AKAP9: variants seen among roughly 807,000 people sequenced by gnomAD.
The protein encoded by AKAP9 is A-kinase anchor protein 9.
In AKAP9, 311 loss-of-function variants were observed where a neutral mutation model predicts 488.5. The observed-to-expected ratio is 0.64, with a 90% CI of 0.58 to 0.70. The LOEUF is 0.70. Ranked by LOEUF, AKAP9 falls within the 30% of genes least tolerant of loss-of-function variation. The pLI is 0.00. For synonymous variants in AKAP9, 1,462 were observed against 1,483.5 expected (o/e 0.99, Z 0.33); for missense variants, 4,215 against 4,374.5 (o/e 0.96, Z 1.03).
At chr7:91,964,280 A>AT (rs1042524700) in intron 1 of AKAP9, among the ~76,000 whole-genome samples, 2 of 152,220 alleles carry the variant, frequency 1.3e-5, no homozygotes, top group East Asian at 1.9e-4. Flanking sequence ...AGTGTACATT[A>AT]TTTTTTTCAT....
chr7:92,050,290 T>G (rs1807757495), intron 21 of AKAP9, among the ~76,000 whole-genome samples: 1 of 151,590 alleles, frequency 6.6e-6, no homozygotes. Flanking sequence ...AGAGATGGAG[T>G]TTCACCATAT....
intron 7 of AKAP9, 144 bp downstream of exon 7, chr7:91,995,944 G>A (rs1329323768): frequency 1.5e-6 from 1 of 657,820 alleles, no homozygotes; most frequent in Non-Finnish European, 2.6e-6. Flanking sequence ...AAAAGCAAAT[G>A]GGAATCTCAG....
intron 1 of AKAP9, among the ~76,000 whole-genome samples, chr7:91,953,471 TCTCTGTTG>T (rs1792536460): frequency 6.6e-6 from 1 of 152,218 alleles, no homozygotes; most frequent in African/African-American, 2.4e-5. Context: ...TTACTTAACC[TCTCTGTTG>T]CTCTGTTCCT....
chr7:91,972,846 G>A (rs1213012003), intron 1 of AKAP9, among the ~76,000 whole-genome samples: 1 of 152,194 alleles, frequency 6.6e-6, no homozygotes, highest in East Asian at 1.9e-4. Flanking sequence ...AAATCCTGAT[G>A]ATGATATGTA....
At chr7:91,953,219 G>T (rs1176340044) in intron 1 of AKAP9, among the ~76,000 whole-genome samples, 1 of 152,206 alleles carries the variant, frequency 6.6e-6, no homozygotes, top group Non-Finnish European at 1.5e-5. Flanking sequence ...AGGATAGTGA[G>T]CATGGAGAGG....
intron 8 of AKAP9, among the ~76,000 whole-genome samples, chr7:92,006,228 G>GCA (rs1208932646): frequency 2.6e-5 from 4 of 151,028 alleles, no homozygotes; most frequent in Admixed American, 1.3e-4. Flanking sequence ...ACAGCATCCT[G>GCA]CAGCCTTGAC....
chr7:92,070,128 T>G lies in AKAP9; in HGVS notation c.6429T>G (p.Asn2143Lys). The change falls in exon 27 of 50, where the codon AAT (asparagine) becomes AAG (lysine). Residue 2143 changes from asparagine (N) to lysine (K), a missense_variant. Around this residue, in one of 5 missense-constraint regions of AKAP9, gnomAD observed 2,361 missense variants for 2,430.0 expected, o/e 0.97. Transcript: ENST00000356239. ...EQLQRDIQER[N>K]EEIEKLEFRV... ...TTCAAAGGGATATACAAGAAAGGAATGAAGAAATAGAGAAACTGGAGTTCA... is the reference window on the plus strand; with the variant it reads ...TTCAAAGGGATATACAAGAAAGGAAGGAAGAAATAGAGAAACTGGAGTTCA... The G allele has an allele frequency of 6.2e-7, 1 of 1,614,058 alleles. No homozygotes were observed. The highest frequency in any genetic ancestry group is 2.2e-5 in the East Asian group (1 of 44,868).
chr7:92,036,713 G>C (rs1345057432), intron 16 of AKAP9, among the ~76,000 whole-genome samples: 1 of 152,136 alleles, frequency 6.6e-6, no homozygotes, highest in Admixed American at 6.5e-5. Flanking sequence ...AGTATGAAGA[G>C]ACAGAGGCAG....
chr7:92,029,459 A>T (rs547916935), intron 14 of AKAP9, among the ~76,000 whole-genome samples: 1 of 152,342 alleles, frequency 6.6e-6, no homozygotes, highest in African/African-American at 2.4e-5. Context: ...TTTTAAAGTC[A>T]TTAATATATC....
chr7:92,026,052 A>G (rs1395590300), intron 14 of AKAP9, among the ~76,000 whole-genome samples: 2 of 152,194 alleles, frequency 1.3e-5, no homozygotes, highest in Non-Finnish European at 2.9e-5. Context: ...TGAAGGATGA[A>G]TATTTAGACA....
chr7:91,964,908 T>G (rs2130528697), intron 1 of AKAP9, among the ~76,000 whole-genome samples: 1 of 152,284 alleles, frequency 6.6e-6, no homozygotes, highest in Admixed American at 6.5e-5. Flanking sequence ...TTTAAAATTT[T>G]TATTGTTATG....
At position 92,052,926 on chromosome 7, in the gene AKAP9, C is replaced by T. The variant is rs374096313; in HGVS notation, c.5569C>T (p.Leu1857Phe). Residue 1857 changes from leucine to phenylalanine, a missense_variant, in exon 22 of 50, where the codon CTC (leucine) becomes TTC (phenylalanine). Physicochemically the swap from Leu to Phe is conservative, Grantham distance 22 (BLOSUM62 0). This residue lies in a region of AKAP9 where 2,361 missense variants were observed against 2,430.0 expected (regional missense o/e 0.97). Coordinates refer to ENST00000356239, the MANE Select transcript of AKAP9 (RefSeq NM_005751.5). ...TCGACTACAAGCAGCAGTTGAAAAA[C>T]TCCTAGAAGCCATAAGTGAAACTAG... ...SSRLQAAVEK[L>F]LEAISETSSQ... The T allele has an allele frequency of 6.2e-7, 1 of 1,613,754 alleles. No individual in the cohort carries two copies. The highest frequency in any genetic ancestry group is 1.7e-5 in the Admixed American group (1 of 60,010).
intron 1 of AKAP9, among the ~76,000 whole-genome samples, chr7:91,946,720 G>A (rs964913139): frequency 6.6e-6 from 1 of 152,162 alleles, no homozygotes; most frequent in Non-Finnish European, 1.5e-5. Flanking sequence ...GAGAGAGAAT[G>A]TGGAGGAAGG....
chr7:92,098,955 T>C (rs1817091652), intron 43 of AKAP9, among the ~76,000 whole-genome samples: 1 of 152,198 alleles, frequency 6.6e-6, no homozygotes, highest in African/African-American at 2.4e-5. Context: ...AATTAGTTAC[T>C]AAACATTTTT....
intron 1 of AKAP9, among the ~76,000 whole-genome samples, chr7:91,962,014 A>C (rs966671917): frequency 2.0e-5 from 3 of 152,218 alleles, no homozygotes; most frequent in African/African-American, 4.8e-5. Context: ...CTGTGACTAC[A>C]TATGTTAACA....
At chr7:92,066,343 A>G (rs1810759068) in intron 25 of AKAP9, 84 bp from the exon 26 acceptor site, 1 of 1,529,484 alleles carries the variant, frequency 6.5e-7, no homozygotes, top group East Asian at 2.3e-5. Context: ...CAAAACTAAC[A>G]TATCTCTAAA....
chr7:92,090,738 A>G (rs891403410), intron 38 of AKAP9: 13 of 152,174 alleles, frequency 8.5e-5, no homozygotes, highest in African/African-American at 1.9e-4. Flanking sequence ...TTAGCTATCA[A>G]TGTTATTATA....
At chr7:92,084,736 T>C in intron 34 of AKAP9, 33 bp downstream of exon 34, 1 of 1,607,778 alleles carries the variant, frequency 6.2e-7, no homozygotes, top group Non-Finnish European at 8.5e-7. Flanking sequence ...ATGTTTGTAG[T>C]AGTTGTTTAA....
Position 91,994,666 on chromosome 7 carries a change from A to G in AKAP9, c.622A>G (p.Thr208Ala). 9 of 1,613,452 alleles carry G rather than the reference A, an allele frequency of 5.6e-6. No homozygotes were observed. Among genetic ancestry groups the G allele is most frequent in the Non-Finnish European group, 7.6e-6 (9 of 1,179,670 alleles). Reference protein sequence around the residue: ...AAIKQRDGIITQLTANLQQAR... With the variant: ...AAIKQRDGIIAQLTANLQQAR... Reference sequence around the variant, plus strand: ...CATTAAACAAAGAGATGGCATTATAACCCAGCTCACTGCTAATTTACAACA... The same window carrying G: ...CATTAAACAAAGAGATGGCATTATAGCCCAGCTCACTGCTAATTTACAACA... Residue 208 changes from threonine to alanine, a missense_variant, in exon 6 of 50, where the codon ACC (threonine) becomes GCC (alanine). By Grantham distance (58) the Thr-to-Ala change is moderately conservative. This residue lies in a region of AKAP9 where 2,361 missense variants were observed against 2,430.0 expected (regional missense o/e 0.97). Coordinates refer to ENST00000356239, the MANE Select transcript of AKAP9 (RefSeq NM_005751.5).
Sources: allele counts gnomAD v4.1 joint callset (sites outside exome capture counted in the v4.1 genomes callset), GRCh38; gene constraint gnomAD v4.1.1; regional missense constraint gnomAD v4.1.1; transcripts MANE v1.5; gene names NCBI Gene and HGNC (gene_info 2026-07-23, HGNC 2026-07-21).